The following CAAP1 variants were observed in gnomAD, a reference collection of about 807,000 sequenced individuals.
The protein encoded by CAAP1 is conserved anti-apoptotic protein.
Under a neutral mutation model 34.0 loss-of-function variants are expected in CAAP1, and 20 were observed. The ratio of observed to expected loss-of-function variants is 0.59; its 90% CI spans 0.41 to 0.86. CAAP1 has a LOEUF of 0.86. Among genes scored for constraint, CAAP1 ranks in the 40% least tolerant of loss-of-function variants. The pLI is 0.00. For missense variants in CAAP1, 538 were observed against 450.5 expected, an observed-to-expected ratio of 1.19 and a Z score of -1.76; for synonymous variants, 213 against 166.7, an observed-to-expected ratio of 1.28 and a Z score of -2.14.
chr9:26,864,778 T>C (rs946510474), intron 4 of CAAP1, among the ~76,000 whole-genome samples: 4 of 152,224 alleles, frequency 2.6e-5, no homozygotes, highest in Non-Finnish European at 4.4e-5. Flanking sequence ...TTAGATCACT[T>C]TGTATGGACA....
intron 1 of CAAP1, among the ~76,000 whole-genome samples, chr9:26,891,566 C>G (rs1013146154): frequency 6.6e-6 from 1 of 151,908 alleles, no homozygotes; most frequent in African/African-American, 2.4e-5. Context: ...GTATTGTAGT[C>G]ACAACAATAC....
At chr9:26,874,417 A>G (rs1202849640) in intron 4 of CAAP1, among the ~76,000 whole-genome samples, 1 of 152,062 alleles carries the variant, frequency 6.6e-6, no homozygotes, top group Non-Finnish European at 1.5e-5. Context: ...AATAAACAAT[A>G]AATTATTGTT....
chr9:26,876,724 T>C (rs1207776516), intron 4 of CAAP1, among the ~76,000 whole-genome samples: 1 of 152,112 alleles, frequency 6.6e-6, no homozygotes, highest in Non-Finnish European at 1.5e-5. Context: ...CAGGCTATAG[T>C]TTAAGCATCC....
At chr9:26,871,870 T>A (rs1823284314) in intron 4 of CAAP1, among the ~76,000 whole-genome samples, 1 of 152,000 alleles carries the variant, frequency 6.6e-6, no homozygotes, top group East Asian at 1.9e-4. Flanking sequence ...GCCAAGATCA[T>A]GCCACTGCAC....
At chr9:26,874,636 TCTTC>T (rs1440677331) in intron 4 of CAAP1, among the ~76,000 whole-genome samples, 1 of 152,190 alleles carries the variant, frequency 6.6e-6, no homozygotes, top group Non-Finnish European at 1.5e-5. Flanking sequence ...GGATGTTGTA[TCTTC>T]ACAGTTCCTA....
At chr9:26,888,708 C>T (rs1019676651) in intron 1 of CAAP1, among the ~76,000 whole-genome samples, 5 of 152,190 alleles carry the variant, frequency 3.3e-5, no homozygotes, top group African/African-American at 1.2e-4. Context: ...GGCAGTTCCT[C>T]AAAAAGTTAC....
At chr9:26,866,195 T>C (rs1368898912) in intron 4 of CAAP1, among the ~76,000 whole-genome samples, 2 of 152,254 alleles carry the variant, frequency 1.3e-5, no homozygotes, top group East Asian at 1.9e-4. Context: ...AAATGTCTAA[T>C]AAGAGACTGT....
chr9:26,881,818 C>A (rs1823599505), intron 4 of CAAP1, among the ~76,000 whole-genome samples: 1 of 152,190 alleles, frequency 6.6e-6, no homozygotes, highest in African/African-American at 2.4e-5. Context: ...GTGGGAAAGT[C>A]TGGAACTTCC....
At chr9:26,880,051 G>C (rs182731260) in intron 4 of CAAP1, 2 of 181,456 alleles carry the variant, frequency 1.1e-5, no homozygotes, top group Non-Finnish European at 2.2e-5. Context: ...TGACTCTATG[G>C]CAAAAAAATA....
Position 26,892,577 on chromosome 9 carries a change from C to T in CAAP1, c.139G>A (p.Gly47Arg), listed in dbSNP as rs1462517183. The T allele has an allele frequency of 6.3e-7, 1 of 1,594,780 alleles. No individual in the cohort carries two copies. Among genetic ancestry groups the T allele is most frequent in the Admixed American group, 1.8e-5 (1 of 57,052 alleles). The change falls in exon 1 of 6, where the codon GGG becomes AGG. Residue 47 changes from glycine (G) to arginine (R), a missense_variant. Gly to Arg is a moderately radical substitution (Grantham distance 125). Coordinates refer to ENST00000333916, the MANE Select transcript of CAAP1 (RefSeq NM_024828.4). ...SGSTSGCGSA[G>R]GCGSVSCCGN... The stretch of plus-strand genomic sequence containing the variant: ...CAGCAGCTGACGCTCCCGCAGCCCC[C>T]GGCGCTCCCGCAGCCGCTAGTGCTT...
At chr9:26,866,980 G>C (rs1216514477) in intron 4 of CAAP1, among the ~76,000 whole-genome samples, 1 of 152,096 alleles carries the variant, frequency 6.6e-6, no homozygotes, top group East Asian at 1.9e-4. Flanking sequence ...GGAGGTGAGC[G>C]GTGGTGGGCA....
At chr9:26,877,284 CAAAATCTGAAAAA>C (rs997402159) in intron 4 of CAAP1, among the ~76,000 whole-genome samples, 27 of 151,750 alleles carry the variant, frequency 1.8e-4, no homozygotes, top group African/African-American at 6.3e-4. Context: ...GCAAATATTC[CAAAATCTGAAAAA>C]AAAATCTGAA....
At chr9:26,842,686 T>C in intron 5 of CAAP1, 39 bp from the exon 6 acceptor site, 3 of 1,475,266 alleles carry the variant, frequency 2.0e-6, no homozygotes, top group African/African-American at 1.4e-5. Context: ...GTAACCTAAA[T>C]ACCATGGGTC....
intron 5 of CAAP1, among the ~76,000 whole-genome samples, chr9:26,856,843 T>C (rs1038076838): frequency 1.3e-5 from 2 of 152,336 alleles, no homozygotes; most frequent in East Asian, 1.9e-4. Context: ...CTATTTCTCA[T>C]GTATAGTTTT....
At chr9:26,888,981 C>A (rs1446199138) in intron 1 of CAAP1, among the ~76,000 whole-genome samples, 4 of 152,152 alleles carry the variant, frequency 2.6e-5, no homozygotes, top group Non-Finnish European at 5.9e-5. Flanking sequence ...CTCTGTGATA[C>A]AAAGGAATGA....
intron 2 of CAAP1, 107 bp downstream of exon 2, chr9:26,887,206 C>T (rs1264928049): frequency 2.3e-5 from 16 of 701,172 alleles, no homozygotes; most frequent in African/African-American, 7.3e-5. Flanking sequence ...AGCAAGACTC[C>T]GTCTCAAAAA....
intron 5 of CAAP1, among the ~76,000 whole-genome samples, chr9:26,850,047 C>T (rs1339223069): frequency 6.6e-6 from 1 of 152,112 alleles, no homozygotes; most frequent in East Asian, 1.9e-4. Flanking sequence ...ACCGTGTCAT[C>T]CAGGATGGTC....
chr9:26,884,734 C>T (rs1192361075), intron 4 of CAAP1, 76 bp downstream of exon 4: 1 of 992,528 alleles, frequency 1.0e-6, no homozygotes, highest in Non-Finnish European at 1.6e-6. Flanking sequence ...GAAAAACAAT[C>T]ATATCTTTGA....
chr9:26,892,774 G>T lies in CAAP1; in HGVS notation c.-59C>A. On this transcript the variant is annotated 5_prime_UTR_variant, in exon 1 of 6. Coordinates refer to ENST00000333916, the MANE Select transcript of CAAP1 (RefSeq NM_024828.4). ...GCTGTCTCTGGTGCGACCGAAGCCC[G>T]ACTCCTGCGGCCGTGGGCGGCAGGC... The T allele has an allele frequency of 2.0e-6, 3 of 1,484,064 alleles. No homozygotes were observed. The highest frequency in any genetic ancestry group is 2.6e-5 in the South Asian group (2 of 75,838). 91.9% of individuals were successfully genotyped at this position (1,484,064 alleles called of 1,614,324 possible). A position where few individuals can be genotyped will look rare whatever the true frequency, so the allele number is the denominator to read the frequency against.
Sources: gnomAD v4.1 joint callset for allele counts (sites outside exome capture counted in the v4.1 genomes callset) on GRCh38, gnomAD v4.1.1 for gene constraint, MANE v1.5 for transcripts, NCBI Gene and HGNC (gene_info 2026-07-23, HGNC 2026-07-21) for gene names.